The following SCUBE3 variants were observed in gnomAD, a reference collection of about 807,000 sequenced individuals.
SCUBE3 encodes the protein signal peptide, CUB domain and EGF like domain containing 3.
A neutral mutation model predicts 116.8 loss-of-function variants in SCUBE3; 33 were observed. That is an observed-to-expected ratio of 0.28 (90% CI 0.21 to 0.38). SCUBE3 has a LOEUF of 0.38. SCUBE3 is among the 10% of genes least tolerant of loss of function. The pLI, the probability that SCUBE3 is intolerant of heterozygous loss-of-function variation, is 1.00. For missense variants in SCUBE3, 1,007 were observed against 1,324.8 expected, an observed-to-expected ratio of 0.76 and a Z score of 3.72; for synonymous variants, 418 against 496.9, an observed-to-expected ratio of 0.84 and a Z score of 2.11.
chr6:35,228,650 G>T lies in SCUBE3; in HGVS notation c.245G>T (p.Cys82Phe). The T allele has an allele frequency of 1.2e-6, 2 of 1,614,070 alleles. No individual in the cohort carries two copies. The highest frequency in any genetic ancestry group is 1.7e-6 in the Non-Finnish European group (2 of 1,179,890). Residue 82 changes from cysteine to phenylalanine, a missense_variant, in exon 3 of 22, where the codon TGT (cysteine) becomes TTT (phenylalanine). Physicochemically the swap from Cys to Phe is radical, Grantham distance 205 (BLOSUM62 -2). This residue lies in a region of SCUBE3 where 37 missense variants were observed against 80.6 expected (regional missense o/e 0.46). Transcript: ENST00000274938. This position sits in a 1 kb window ranked among gnomAD's most constrained non-coding sequence, Gnocchi z 4.9. ...DECEREDNAG[C>F]VHDCVNIPGN... ...TGCGAGCGAGAGGATAATGCAGGTT[G>T]TGTGCATGACTGTGTCAACATCCCT...
At chr6:35,234,615 C>A (rs1448127037) in intron 6 of SCUBE3, among the ~76,000 whole-genome samples, 1 of 152,150 alleles carries the variant, frequency 6.6e-6, no homozygotes, top group Non-Finnish European at 1.5e-5. Context: ...ATTTTTTACT[C>A]ATAGGTCTAA....
intron 1 of SCUBE3, 57 bp from the exon 2 acceptor site, chr6:35,227,523 G>C (rs1783376007): frequency 6.2e-7 from 1 of 1,603,458 alleles, no homozygotes; most frequent in African/African-American, 1.3e-5. Flanking sequence ...CCACCTTCAA[G>C]ACACCCCTTA....
intron 1 of SCUBE3, among the ~76,000 whole-genome samples, chr6:35,217,141 T>C (rs945585770): frequency 1.3e-5 from 2 of 149,758 alleles, no homozygotes; most frequent in African/African-American, 4.9e-5. Context: ...TATTTTAAAG[T>C]AGACAGACTG....
chr6:35,227,721 C>T lies in SCUBE3; in HGVS notation c.208+19C>T, dbSNP rs992186232. ...TGCAAAGGTGAGGCTGGAAGGGCAC[C>T]TGGAGGAGAGGGACCTGTGGAAGAA... On this transcript the variant is annotated intron_variant, in intron 2 of 21. Transcript: ENST00000274938. 1 of 1,613,788 alleles carries T rather than the reference C, an allele frequency of 6.2e-7. No individual in the cohort carries two copies. The highest frequency in any genetic ancestry group is 8.5e-7 in the Non-Finnish European group (1 of 1,179,874).
At chr6:35,216,415 T>A (rs2150279045) in intron 1 of SCUBE3, among the ~76,000 whole-genome samples, 1 of 152,324 alleles carries the variant, frequency 6.6e-6, no homozygotes, top group Middle Eastern at 3.4e-3. Context: ...GTTAGCTTGG[T>A]ATCCTCCTTC....
chr6:35,218,809 A>T (rs976140688), intron 1 of SCUBE3, among the ~76,000 whole-genome samples: 1 of 152,106 alleles, frequency 6.6e-6, no homozygotes, highest in African/African-American at 2.4e-5. Flanking sequence ...TCCTGTTCCT[A>T]TGCCCACCCA....
In SCUBE3 at chr6:35,244,686, T is replaced by G. The variant is rs1228818703; in HGVS notation, c.2276T>G (p.Ile759Ser). The G allele has an allele frequency of 1.2e-6, 2 of 1,614,104 alleles. No homozygotes were observed. The highest frequency in any genetic ancestry group is 1.7e-6 in the Non-Finnish European group (2 of 1,180,000). The change falls in exon 18 of 22, where the codon ATC becomes AGC. Residue 759 changes from isoleucine (I) to serine (S), a missense_variant. Physicochemically the swap from Ile to Ser is moderately radical, Grantham distance 142. Transcript: ENST00000274938. This position sits in a 1 kb window ranked among gnomAD's most constrained non-coding sequence, Gnocchi z 4.3. ...CSPGHYYNTS[I>S]HRCIRCAMGS... ...CCAGGGCACTACTACAACACCAGCATCCACCGCTGTATTCGCTGTGCCATG... is the reference window on the plus strand; with the variant it reads ...CCAGGGCACTACTACAACACCAGCAGCCACCGCTGTATTCGCTGTGCCATG...
rs1784004585 is a variant in SCUBE3, at chr6:35,240,723, C to T, written c.1069+233C>T. Among the ~76,000 whole-genome samples, 1 of 152,188 alleles carries T rather than the reference C, an allele frequency of 6.6e-6. No individual in the cohort carries two copies. ...CTATCTCCCATTCCTATAACTGTCC[C>T]TGAACCCCCACTCTCAGCTCCCAAA... On this transcript the variant is annotated intron_variant, in intron 9 of 21. Coordinates refer to ENST00000274938, the MANE Select transcript of SCUBE3 (RefSeq NM_152753.4). This position sits in a 1 kb window ranked among gnomAD's most constrained non-coding sequence, Gnocchi z 4.6.
intron 7 of SCUBE3, among the ~76,000 whole-genome samples, chr6:35,238,800 G>T (rs774483689): frequency 6.6e-6 from 1 of 152,170 alleles, no homozygotes; most frequent in Non-Finnish European, 1.5e-5. Flanking sequence ...TGAAAATGAT[G>T]ATTCATTAGG....
Position 35,249,309 on chromosome 6 carries a change from CT to C in SCUBE3, c.*607del. The C allele has an allele frequency of 6.5e-6, 1 of 152,948 alleles. No individual in the cohort carries two copies. Among genetic ancestry groups the C allele is most frequent in the Non-Finnish European group, 1.5e-5 (1 of 68,242 alleles). The allele number at this position is 152,948 out of a possible 1,614,324, so 9.5% of individuals were successfully genotyped here. A position where few individuals can be genotyped will look rare whatever the true frequency, so the allele number is the denominator to read the frequency against. The stretch of plus-strand genomic sequence containing the variant: ...TCTTGTCTATACAGATCCTCTCTTT[CT>C]TTCCCTACGTCTGCCTGGGGTCTAC... On this transcript the variant is annotated 3_prime_UTR_variant, in exon 22 of 22. Transcript: ENST00000274938.
chr6:35,221,196 G>C (rs1156614564), intron 1 of SCUBE3: 2 of 152,190 alleles, frequency 1.3e-5, no homozygotes, highest in African/African-American at 4.8e-5. Flanking sequence ...AGGAACATCT[G>C]TTGAAGGGGA....
Position 35,252,173 on chromosome 6 carries a change from C to T in SCUBE3, c.*3468C>T, listed in dbSNP as rs1784577642. ...GCCTCCCTCTTTCTATATTATCAGG[C>T]CATGCCTATTCCTACAACCTGAGAC... On this transcript the variant is annotated 3_prime_UTR_variant, in exon 22 of 22. Coordinates refer to ENST00000274938, the MANE Select transcript of SCUBE3 (RefSeq NM_152753.4). The T allele has an allele frequency of 6.6e-6, 1 of 152,228 alleles. No individual in the cohort carries two copies. The highest frequency in any genetic ancestry group is 6.5e-5 in the Admixed American group (1 of 15,288). 9.4% of individuals were successfully genotyped at this position (152,228 alleles called of 1,614,324 possible).
chr6:35,228,793 T>G lies in SCUBE3; in HGVS notation c.334+54T>G. On this transcript the variant is annotated intron_variant, in intron 3 of 21. Transcript: ENST00000274938. This position sits in a 1 kb window ranked among gnomAD's most constrained non-coding sequence, Gnocchi z 4.9. ...GGGATGTCTTGTGGAGAAAGAGATC[T>G]TTTCAGCATTTCCTATTTCCCAGGG... is the stretch of plus-strand genomic sequence containing the variant. 1 of 1,562,150 alleles carries G rather than the reference T, an allele frequency of 6.4e-7. No homozygotes were observed.
Position 35,232,849 on chromosome 6 carries a change from G to A in SCUBE3, c.470-1G>A, listed in dbSNP as rs1386301962. 6.2e-7 allele frequency: 1 copy of A among 1,614,064 alleles called. No individual in the cohort carries two copies. Among genetic ancestry groups the A allele is most frequent in the Non-Finnish European group, 8.5e-7 (1 of 1,179,944 alleles). ...ATTCACACCCCTTTCTTCTCTTTTA[G>A]AAGGAATGAATTGCATGAACAAGAA... On this transcript the variant is annotated splice_acceptor_variant, in intron 4 of 21. Coordinates refer to ENST00000274938, the MANE Select transcript of SCUBE3 (RefSeq NM_152753.4). LOFTEE classifies it high-confidence loss of function. The surrounding 1 kb of genome is among the most constrained non-coding windows in gnomAD (Gnocchi z 4.2).
chr6:35,227,767 C>T lies in SCUBE3; in HGVS notation c.208+65C>T. 4.5e-6 allele frequency: 7 copies of T among 1,550,034 alleles called. 1 individual carries two copies. Among genetic ancestry groups the T allele is most frequent in the Non-Finnish European group, 6.2e-6 (7 of 1,124,858 alleles). On this transcript the variant is annotated intron_variant, in intron 2 of 21. Transcript: ENST00000274938. ...AAGAAGGCAAACCAGTGCCACTGCC[C>T]TCAGTTGGCCACTCTCCATCACATC...
At chr6:35,224,630 C>CAAAAAA (rs780700359) in intron 1 of SCUBE3, 2 of 21,708 alleles carry the variant, frequency 9.2e-5, no homozygotes, top group Admixed American at 5.9e-4. Flanking sequence ...GACTTCATCT[C>CAAAAAA]AAAAAAAAAA....
At position 35,228,419 on chromosome 6, in the gene SCUBE3, T is replaced by C. The variant is rs1783410879; in HGVS notation, c.209-195T>C. ...ATAGAAAAATAATATTCTGCAACCA[T>C]GTACAATGGTAATTAGAAAGACTGG... On this transcript the variant is annotated intron_variant, in intron 2 of 21. Transcript: ENST00000274938. This position sits in a 1 kb window ranked among gnomAD's most constrained non-coding sequence, Gnocchi z 4.9. 6.6e-6 allele frequency among the ~76,000 whole-genome samples: 1 copy of C among 152,204 alleles called. No homozygotes were observed. The highest frequency in any genetic ancestry group is 1.5e-5 in the Non-Finnish European group (1 of 68,050).
chr6:35,237,747 G>A (rs937361812), intron 6 of SCUBE3, among the ~76,000 whole-genome samples, 155 bp from the exon 7 acceptor site: 1 of 152,090 alleles, frequency 6.6e-6, no homozygotes, highest in African/African-American at 2.4e-5. Flanking sequence ...GGGAGGAAAG[G>A]GGCTGGGAGC....
In SCUBE3 at chr6:35,245,799, G is replaced by A. The variant is rs1279147853; in HGVS notation, c.2600-145G>A. On this transcript the variant is annotated intron_variant, in intron 19 of 21. Transcript: ENST00000274938. This position sits in a 1 kb window ranked among gnomAD's most constrained non-coding sequence, Gnocchi z 4.2. ...AGTGGGCAATGGGAGAGGGTGTGGG[G>A]TAGGGTGTGTGTATGCGAAGGGGGA... The A allele has an allele frequency of 3.6e-6, 3 of 836,368 alleles. No individual in the cohort carries two copies. The highest frequency in any genetic ancestry group is 5.8e-6 in the Non-Finnish European group (3 of 520,336). The allele number at this position is 836,368 out of a possible 1,614,324, so 51.8% of individuals were successfully genotyped here. A position where few individuals can be genotyped will look rare whatever the true frequency, so the allele number is the denominator to read the frequency against.
Sources: gnomAD v4.1 joint callset for allele counts (sites outside exome capture counted in the v4.1 genomes callset) on GRCh38, gnomAD v4.1.1 for gene constraint, gnomAD v4.1.1 regional missense constraint, Gnocchi (gnomAD v3.1) non-coding constraint, MANE v1.5 for transcripts, NCBI Gene and HGNC (gene_info 2026-07-23, HGNC 2026-07-21) for gene names.